POU6F2: variants seen among roughly 807,000 people sequenced by gnomAD.
POU6F2 encodes POU domain, class 6, transcription factor 2.
Under a neutral mutation model 71.3 loss-of-function variants are expected in POU6F2, and 31 were observed. The ratio of observed to expected loss-of-function variants is 0.43; its 90% CI spans 0.33 to 0.59. The LOEUF is 0.59. Ranked by LOEUF, POU6F2 falls within the 20% of genes least tolerant of loss-of-function variation. POU6F2 has a pLI of 0.04. For synonymous variants in POU6F2, 347 were observed against 355.7 expected, an observed-to-expected ratio of 0.98 and a Z score of 0.27; for missense variants, 783 against 856.8, an observed-to-expected ratio of 0.91 and a Z score of 1.07.
intron 4 of POU6F2, among the ~76,000 whole-genome samples, chr7:39,286,151 G>A (rs1784646174): frequency 6.6e-6 from 1 of 152,146 alleles, no homozygotes; most frequent in Non-Finnish European, 1.5e-5. Flanking sequence ...GAAGTGGGGA[G>A]GGAACCTCTG....
At chr7:39,441,128 A>G (rs974716802) in intron 7 of POU6F2, among the ~76,000 whole-genome samples, 20 of 152,168 alleles carry the variant, frequency 1.3e-4, no homozygotes, top group African/African-American at 4.1e-4. Context: ...GATCACTCCT[A>G]TATAGGGTGT....
chr7:38,983,828 A>G lies in POU6F2; in HGVS notation c.105+5770A>G, dbSNP rs192556537. On this transcript the variant is annotated intron_variant, in intron 1 of 9. Transcript: ENST00000518318. ...AACGTAAAACCATTGTATGTAAGTA[A>G]TAGCAAAATAATTGAAAACATCTTT... Among the ~76,000 whole-genome samples, 21 of 152,316 alleles carry G rather than the reference A, an allele frequency of 1.4e-4. No individual in the cohort carries two copies. In the East Asian group the frequency reaches 3.1e-3, roughly 22 times the overall value.
intron 1 of POU6F2, among the ~76,000 whole-genome samples, chr7:39,001,255 T>G (rs1236963540): frequency 6.7e-6 from 1 of 149,132 alleles, no homozygotes; most frequent in Non-Finnish European, 1.5e-5. Context: ...ACAGGCCATT[T>G]TGATTTTTTT....
intron 1 of POU6F2, among the ~76,000 whole-genome samples, chr7:39,031,447 T>G (rs1789939765): frequency 6.6e-6 from 1 of 152,240 alleles, no homozygotes; most frequent in Non-Finnish European, 1.5e-5. Flanking sequence ...CATTTCATTT[T>G]AAGGTTCCAT....
intron 1 of POU6F2, among the ~76,000 whole-genome samples, chr7:38,996,079 A>G (rs1229022): frequency 0.99 from 141,840 of 142,556 alleles, 70,569 homozygotes; most frequent in South Asian, 1. Flanking sequence ...TGCTCTTGTT[A>G]CCCAGGCTGG....
At chr7:39,088,897 G>A (rs4573153) in intron 2 of POU6F2, among the ~76,000 whole-genome samples, 110,878 of 152,082 alleles carry the variant, frequency 0.73, 40,737 homozygotes, top group East Asian at 0.99. Flanking sequence ...TGCAGGAGAA[G>A]GGCTAATACT....
At chr7:39,322,678 G>C (rs34413240) in intron 4 of POU6F2, among the ~76,000 whole-genome samples, 20,534 of 152,116 alleles carry the variant, frequency 0.13, 1,488 homozygotes, top group Admixed American at 0.19. Flanking sequence ...CCTTTAATAA[G>C]TTGTTAGTTC....
At chr7:39,230,474 A>G (rs547502310) in intron 4 of POU6F2, among the ~76,000 whole-genome samples, 3 of 151,154 alleles carry the variant, frequency 2.0e-5, no homozygotes, top group Admixed American at 6.6e-5. Flanking sequence ...ACAGCATAAG[A>G]CCCTGTTTTA....
chr7:39,343,409 G>GT (rs1785962219), intron 5 of POU6F2, among the ~76,000 whole-genome samples: 1 of 124,844 alleles, frequency 8.0e-6, no homozygotes, highest in South Asian at 2.5e-4. Context: ...CATGATCTAG[G>GT]TAAAAAAAAA....
chr7:39,030,530 A>ATATATG (rs1789915601), intron 1 of POU6F2, among the ~76,000 whole-genome samples: 1 of 125,610 alleles, frequency 8.0e-6, no homozygotes, highest in Non-Finnish European at 1.7e-5. Flanking sequence ...ATATATATAT[A>ATATATG]TATATATATA....
At chr7:39,086,798 G>A (rs1015638298) in intron 2 of POU6F2, among the ~76,000 whole-genome samples, 4 of 152,156 alleles carry the variant, frequency 2.6e-5, no homozygotes, top group African/African-American at 9.7e-5. Context: ...ATGCAACTGT[G>A]ATCTCTAATC....
At chr7:39,330,971 ACT>A (rs1445596174) in intron 4 of POU6F2, among the ~76,000 whole-genome samples, 3 of 151,752 alleles carry the variant, frequency 2.0e-5, no homozygotes, top group Admixed American at 2.0e-4. Flanking sequence ...ACACTGTTCT[ACT>A]CTCTGCTTCT....
intron 1 of POU6F2, among the ~76,000 whole-genome samples, chr7:39,070,720 C>G (rs1030035681): frequency 1.3e-5 from 2 of 152,202 alleles, no homozygotes; most frequent in African/African-American, 4.8e-5. Context: ...CCCACGGGTC[C>G]CTTCACTGTG....
At chr7:39,097,527 G>T (rs559917196) in intron 2 of POU6F2, among the ~76,000 whole-genome samples, 13 of 152,256 alleles carry the variant, frequency 8.5e-5, no homozygotes, top group Admixed American at 5.9e-4. Flanking sequence ...CAAAGGAGAG[G>T]TACATATATA....
At chr7:39,429,962 C>A (rs1163341719) in intron 6 of POU6F2, among the ~76,000 whole-genome samples, 1 of 152,192 alleles carries the variant, frequency 6.6e-6, no homozygotes, top group African/African-American at 2.4e-5. Context: ...AGTCTCAGAT[C>A]TTTGCCATCT....
At chr7:39,116,988 G>A (rs1791943406) in intron 2 of POU6F2, among the ~76,000 whole-genome samples, 1 of 152,116 alleles carries the variant, frequency 6.6e-6, no homozygotes, top group African/African-American at 2.4e-5. Context: ...ATTATGTAGT[G>A]GCACCTTCTT....
chr7:39,275,014 C>T, intron 4 of POU6F2, among the ~76,000 whole-genome samples: 1 of 150,530 alleles, frequency 6.6e-6, no homozygotes, highest in Non-Finnish European at 1.5e-5. Flanking sequence ...CCTCTCTCAC[C>T]ACTCCTATTC....
intron 2 of POU6F2, among the ~76,000 whole-genome samples, chr7:39,105,241 T>C (rs911641051): frequency 6.6e-6 from 1 of 152,186 alleles, no homozygotes; most frequent in African/African-American, 2.4e-5. Flanking sequence ...ATTTCTGTTA[T>C]AATAAACCAT....
intron 7 of POU6F2, among the ~76,000 whole-genome samples, chr7:39,448,597 C>T (rs1019958232): frequency 5.9e-5 from 9 of 152,136 alleles, no homozygotes; most frequent in Non-Finnish European, 1.2e-4. Context: ...TCTGAAATTT[C>T]TTCTCTTGCC....
Sources: allele counts gnomAD v4.1 joint callset (sites outside exome capture counted in the v4.1 genomes callset), GRCh38; gene constraint gnomAD v4.1.1; transcripts MANE v1.5; gene names NCBI Gene and HGNC (gene_info 2026-07-23, HGNC 2026-07-21).